Variants in SUN1 observed in about 807,000 individuals in gnomAD.
The protein encoded by SUN1 is Sad1 and UNC84 domain containing 1.
SUN1 carries 61 observed loss-of-function variants against 103.2 expected under a neutral mutation model. The observed-to-expected ratio is 0.59, with a 90% CI of 0.48 to 0.73. The LOEUF (loss-of-function observed/expected upper bound fraction) is 0.73. SUN1 is among the 30% of genes least tolerant of loss of function. SUN1 has a pLI of 0.00. For synonymous variants in SUN1, 490 were observed against 425.7 expected (o/e 1.15, Z -1.86); for missense variants, 1,052 against 1,034.6 (o/e 1.02, Z -0.23).
chr7:849,554 A>G, intron 5 of SUN1: 1 of 1,402,272 alleles, frequency 7.1e-7, no homozygotes. Context: ...TGAATGTGAG[A>G]GAGGTTCTCA....
intron 14 of SUN1, among the ~76,000 whole-genome samples, chr7:860,689 GT>G (rs1831477430): frequency 6.6e-6 from 1 of 152,232 alleles, no homozygotes; most frequent in Non-Finnish European, 1.5e-5. Context: ...ACCTTCTGCA[GT>G]TCCATGAAAG....
At chr7:816,560 C>T, upstream of SUN1, 1 of 392,452 alleles carries the variant, frequency 2.5e-6, no homozygotes, top group Non-Finnish European at 5.0e-6. Flanking sequence ...TGGTGAAGGC[C>T]TGCGTTGCTC....
chr7:815,587 A>C (rs543340467), upstream of SUN1, among the ~76,000 whole-genome samples: 139 of 152,260 alleles, frequency 9.1e-4, no homozygotes, highest in African/African-American at 1.9e-3. Context: ...CAAAAAAAAA[A>C]CAAAAGAGCA....
rs75032247 is a variant in SUN1, at chr7:861,322, C to T, written c.1780-58C>T. ...CTGGTCCTCATCCATGGCACTAAAA[C>T]CCACGTCTCTCCTCTCCTGTTCTGG... On this transcript the variant is annotated intron_variant, in intron 14 of 18. Transcript: ENST00000401592. The T allele has an allele frequency of 0.063, 99,886 of 1,581,710 alleles. 3,624 individuals carry two copies. Among genetic ancestry groups the T allele is most frequent in the Non-Finnish European group, 0.073 (84,424 of 1,151,760 alleles).
At chr7:827,320 C>T (rs1351144164) in intron 1 of SUN1, among the ~76,000 whole-genome samples, 1 of 152,164 alleles carries the variant, frequency 6.6e-6, no homozygotes, top group Non-Finnish European at 1.5e-5. Context: ...GCCACTGTGC[C>T]TGGCCAGACC....
chr7:841,678 T>G, intron 2 of SUN1: 1 of 388,080 alleles, frequency 2.6e-6, no homozygotes, highest in Non-Finnish European at 4.7e-6. Flanking sequence ...TTCTAGTTTA[T>G]TTTAGCTTTT....
chr7:842,068 G>T lies in SUN1; in HGVS notation c.389G>T (p.Arg130Leu), dbSNP rs781471011. ...GTVSLQDAVT[R>L]RPPVLDESWI... is the part of the protein sequence containing the mutation. ...GTCAGCCTGCAGGATGCTGTGACTC[G>T]ACGGCCTCCTGTATTGGACGAGTCT... Residue 130 changes from arginine to leucine, a missense_variant, in exon 3 of 19, where the codon CGA becomes CTA. Physicochemically the swap from Arg to Leu is moderately radical, Grantham distance 102. Transcript: ENST00000401592. 1 of 1,614,224 alleles carries T rather than the reference G, an allele frequency of 6.2e-7. No individual in the cohort carries two copies. The highest frequency in any genetic ancestry group is 8.5e-7 in the Non-Finnish European group (1 of 1,180,056).
At position 841,926 on chromosome 7, in the gene SUN1, C is replaced by A; in HGVS notation, c.267-20C>A. 1 of 1,611,460 alleles carries A rather than the reference C, an allele frequency of 6.2e-7. No individual in the cohort carries two copies. Among genetic ancestry groups the A allele is most frequent in the Admixed American group, 1.7e-5 (1 of 59,818 alleles). The stretch of plus-strand genomic sequence containing the variant: ...TTGCTAGAAAAGATCTATAAACTTG[C>A]TGTTTTTTTTTCTTCTTAGAACAAC... On this transcript the variant is annotated intron_variant, in intron 2 of 18. Coordinates refer to ENST00000401592, the MANE Select transcript of SUN1 (RefSeq NM_001130965.3).
chr7:815,577 C>CA (rs199776020), upstream of SUN1, among the ~76,000 whole-genome samples: 639 of 139,658 alleles, frequency 4.6e-3, 6 homozygotes, highest in African/African-American at 0.015. Context: ...GACCTTGTCT[C>CA]AAAAAAAAAA....
intron 17 of SUN1, among the ~76,000 whole-genome samples, chr7:869,819 T>C (rs1056279676): frequency 2.6e-5 from 4 of 152,090 alleles, no homozygotes; most frequent in African/African-American, 9.7e-5. Flanking sequence ...CTGGATGACG[T>C]GGGAGCAGCT....
intron 1 of SUN1, among the ~76,000 whole-genome samples, chr7:825,071 T>C (rs1790245705): frequency 6.6e-6 from 1 of 152,132 alleles, no homozygotes; most frequent in African/African-American, 2.4e-5. Context: ...AATTTTTTTT[T>C]TTTTTTAGGC....
intron 3 of SUN1, among the ~76,000 whole-genome samples, chr7:842,723 C>G (rs532200441): frequency 6.6e-6 from 1 of 152,188 alleles, no homozygotes; most frequent in Non-Finnish European, 1.5e-5. Flanking sequence ...CATCTGCATT[C>G]GGTTTATGTT....
At chr7:871,116 C>T (rs1841356444) in intron 17 of SUN1, among the ~76,000 whole-genome samples, 1 of 151,976 alleles carries the variant, frequency 6.6e-6, no homozygotes, top group South Asian at 2.1e-4. Context: ...GTCTCGAACT[C>T]CCGACCTCAG....
At chr7:845,341 T>G (rs1022644573) in intron 5 of SUN1, among the ~76,000 whole-genome samples, 1 of 152,198 alleles carries the variant, frequency 6.6e-6, no homozygotes, top group Admixed American at 6.5e-5. Context: ...CTTGGGTGTT[T>G]TGGGGGAGAA....
chr7:842,779 G>C (rs908394485), intron 3 of SUN1: 2 of 247,890 alleles, frequency 8.1e-6, no homozygotes, highest in Non-Finnish European at 8.0e-6. Flanking sequence ...ATTAGTTCCA[G>C]AGATCACATG....
chr7:833,785 A>T (rs979575002), intron 1 of SUN1, among the ~76,000 whole-genome samples: 1 of 152,216 alleles, frequency 6.6e-6, no homozygotes, highest in African/African-American at 2.4e-5. Flanking sequence ...TCTGTTTTCT[A>T]AGAGTCCTGT....
At chr7:843,593 A>AGTGTCTGC in intron 5 of SUN1, 73 bp downstream of exon 5, 1 of 1,612,940 alleles carries the variant, frequency 6.2e-7, no homozygotes, top group Non-Finnish European at 8.5e-7. Context: ...TGTAAGTCTC[A>AGTGTCTGC]GTGTCTGCAC....
chr7:831,100 C>T (rs1466618938), upstream of SUN1: 1 of 713,256 alleles, frequency 1.4e-6, no homozygotes, highest in Non-Finnish European at 1.7e-6. Context: ...GACAGTTAAA[C>T]AGGTATTAAC....
At chr7:829,242 C>A (rs542530108), upstream of SUN1, among the ~76,000 whole-genome samples, 223 of 152,280 alleles carry the variant, frequency 1.5e-3, 2 homozygotes, top group African/African-American at 5.0e-3. Context: ...GACAGGTGAC[C>A]GAGGCAGCCT....
Sources: allele counts gnomAD v4.1 joint callset (sites outside exome capture counted in the v4.1 genomes callset), GRCh38; gene constraint gnomAD v4.1.1; transcripts MANE v1.5; gene names NCBI Gene and HGNC (gene_info 2026-07-23, HGNC 2026-07-21).